The following DNAH9 variants were observed in gnomAD, a reference collection of about 807,000 sequenced individuals.
DNAH9 encodes the protein dynein axonemal heavy chain 9.
Under a neutral mutation model 471.6 loss-of-function variants are expected in DNAH9, and 345 were observed. That is an observed-to-expected ratio of 0.73 (90% confidence interval 0.67 to 0.80). DNAH9 has a LOEUF of 0.80. Ranked by LOEUF, DNAH9 falls within the 30% of genes least tolerant of loss-of-function variation. The pLI is 0.00. For missense variants in DNAH9, 5,407 were observed against 5,609.2 expected, an observed-to-expected ratio of 0.96 and a Z score of 1.15; for synonymous variants, 2,093 against 2,123.6, an observed-to-expected ratio of 0.99 and a Z score of 0.40.
At chr17:11,956,880 A>T (rs1354746306) in intron 67 of DNAH9, among the ~76,000 whole-genome samples, 3 of 151,890 alleles carry the variant, frequency 2.0e-5, no homozygotes, top group Non-Finnish European at 4.4e-5. Flanking sequence ...TAGGAAAAAA[A>T]TGGCAAAACA....
At chr17:11,686,800 C>T (rs1217344776) in intron 19 of DNAH9, among the ~76,000 whole-genome samples, 3 of 152,198 alleles carry the variant, frequency 2.0e-5, no homozygotes, top group East Asian at 1.9e-4. Flanking sequence ...CTTCCATGTG[C>T]ACCCCAAATA....
intron 14 of DNAH9, among the ~76,000 whole-genome samples, chr17:11,659,773 C>G (rs143777603): frequency 0.024 from 3,623 of 152,334 alleles, 145 homozygotes; most frequent in African/African-American, 0.081. Context: ...ATAGTGTGGG[C>G]TCCCAGAGCT....
At chr17:11,928,642 A>G (rs898083627) in intron 62 of DNAH9, among the ~76,000 whole-genome samples, 2 of 152,192 alleles carry the variant, frequency 1.3e-5, no homozygotes, top group African/African-American at 4.8e-5. Context: ...CAAAGACCAG[A>G]CAGAGGAGCT....
rs2073393489 is a variant in DNAH9 at position 11,646,493 on chromosome 17, G to A, written c.1971-579G>A. Among the ~76,000 whole-genome samples the A allele has an allele frequency of 2.0e-5, 3 of 152,202 alleles. No homozygotes were observed. The South Asian group carries it at 6.2e-4, about 32-fold the overall frequency. Reference sequence around the variant, plus strand: ...CCATGAGCTACGTAAAGATTAGTGTGAGAGCGAATCTTCCCCAGTAACTTC... The same window carrying A: ...CCATGAGCTACGTAAAGATTAGTGTAAGAGCGAATCTTCCCCAGTAACTTC... On this transcript the variant is annotated intron_variant, in intron 11 of 68. Coordinates refer to ENST00000262442, the MANE Select transcript of DNAH9 (RefSeq NM_001372.4).
chr17:11,860,671 C>T (rs1174043759), intron 50 of DNAH9, among the ~76,000 whole-genome samples: 7 of 152,094 alleles, frequency 4.6e-5, no homozygotes. Flanking sequence ...AAGCGATTCT[C>T]CTGCCTCAGT....
At chr17:11,847,385 A>G (rs1971262676) in intron 49 of DNAH9, among the ~76,000 whole-genome samples, 1 of 152,064 alleles carries the variant, frequency 6.6e-6, no homozygotes, top group Admixed American at 6.6e-5. Context: ...TAATTTTTGT[A>G]TATGTTGTAA....
chr17:11,759,818 C>T lies in DNAH9; in HGVS notation c.6995+2126C>T, dbSNP rs1358160357. Among the ~76,000 whole-genome samples, 5 of 152,064 alleles carry T rather than the reference C, an allele frequency of 3.3e-5. No homozygotes were observed. The East Asian group carries it at 9.7e-4, about 30-fold the overall frequency. On this transcript the variant is annotated intron_variant, in intron 35 of 68. Transcript: ENST00000262442. ...TCTCCTGCCTCAGCCTGCCAAGTAG[C>T]TGGGACTACAGGCACGTGCCACCAT...
chr17:11,797,713 T>C lies in DNAH9; in HGVS notation c.8340T>C (p.Thr2780=). 1 of 1,614,214 alleles carries C rather than the reference T, an allele frequency of 6.2e-7. No homozygotes were observed. The highest frequency in any genetic ancestry group is 8.5e-7 in the Non-Finnish European group (1 of 1,180,040). ...AGTCTTGGGAACTTTTGACCCAGAC[T>C]CTGGTGGAGGCCTTGGAGAACCACA... ...PVQSWELLTQ[T]LVEALENHNE... is the part of the protein sequence containing the mutation. The change falls in exon 43 of 69, where the codon ACT becomes ACC. Residue 2780 remains threonine (T), a synonymous_variant. Transcript: ENST00000262442.
chr17:11,737,853 G>T (rs933421497), intron 28 of DNAH9, among the ~76,000 whole-genome samples: 6 of 152,196 alleles, frequency 3.9e-5, no homozygotes, highest in Non-Finnish European at 2.9e-5. Flanking sequence ...TATAGTCTGG[G>T]GGATGGCTAT....
intron 67 of DNAH9, among the ~76,000 whole-genome samples, chr17:11,961,026 G>C (rs1025907996): frequency 2.0e-5 from 3 of 151,696 alleles, no homozygotes; most frequent in African/African-American, 7.3e-5. Flanking sequence ...TTTAAACATA[G>C]TGTTCAGGCC....
chr17:11,770,594 T>C (rs1795885539), intron 38 of DNAH9, among the ~76,000 whole-genome samples: 1 of 152,154 alleles, frequency 6.6e-6, no homozygotes, highest in Non-Finnish European at 1.5e-5. Flanking sequence ...CATCCACTGC[T>C]GAGCCAATCC....
intron 61 of DNAH9, among the ~76,000 whole-genome samples, chr17:11,909,513 G>A (rs575210493): frequency 2.2e-4 from 33 of 152,270 alleles, no homozygotes; most frequent in South Asian, 1.7e-3. Context: ...CCTGGCCTAC[G>A]ATTTCCCCTT....
intron 7 of DNAH9, among the ~76,000 whole-genome samples, chr17:11,632,132 G>GCTTT (rs1244521672): frequency 6.6e-6 from 1 of 152,232 alleles, no homozygotes; most frequent in Non-Finnish European, 1.5e-5. Context: ...AGTTTAATTA[G>GCTTT]CTTTCTTTCC....
chr17:11,927,676 C>T (rs138003461), intron 62 of DNAH9, among the ~76,000 whole-genome samples: 60 of 152,268 alleles, frequency 3.9e-4, no homozygotes, highest in African/African-American at 1.2e-3. Flanking sequence ...ACTAGGGCTT[C>T]TCTTCTGGGA....
intron 50 of DNAH9, among the ~76,000 whole-genome samples, chr17:11,861,545 T>C (rs1249670024): frequency 2.0e-5 from 3 of 151,744 alleles, no homozygotes; most frequent in Non-Finnish European, 4.4e-5. Flanking sequence ...TACCCAGTAA[T>C]GGGATGGCTG....
Position 11,689,923 on chromosome 17 carries a change from G to A in DNAH9, c.4101G>A (p.Leu1367=), listed in dbSNP as rs1309296469. 6.2e-7 allele frequency: 1 copy of A among 1,609,982 alleles called. No individual in the cohort carries two copies. The highest frequency in any genetic ancestry group is 1.1e-5 in the South Asian group (1 of 90,504). ...TGGAAAGCACTGTGTGGAACACGCT[G>A]AGCTCCCTGAGGGCAGTAGCTGAGC... The part of the protein sequence containing the change: ...TGLESTVWNT[L]SSLRAVAELQ... The change falls in exon 20 of 69, where the codon CTG becomes CTA. Residue 1367 remains leucine (L), a synonymous_variant. Coordinates refer to ENST00000262442, the MANE Select transcript of DNAH9 (RefSeq NM_001372.4).
intron 28 of DNAH9, among the ~76,000 whole-genome samples, chr17:11,728,760 A>G (rs1318535): frequency 0.96 from 146,091 of 152,234 alleles, 70,384 homozygotes; most frequent in East Asian, 1. Flanking sequence ...GGCACTTTTC[A>G]TACATCATCT....
chr17:11,837,811 C>A (rs750003799), intron 49 of DNAH9, among the ~76,000 whole-genome samples: 8 of 152,276 alleles, frequency 5.3e-5, no homozygotes, highest in Middle Eastern at 6.8e-3. Flanking sequence ...TTCCTTTTGC[C>A]GTTCTACTCC....
chr17:11,805,688 G>A (rs1040457180), intron 43 of DNAH9, among the ~76,000 whole-genome samples: 4 of 151,526 alleles, frequency 2.6e-5, no homozygotes, highest in African/African-American at 9.7e-5. Flanking sequence ...CCTAGCAGGT[G>A]GGATTACAAG....
Sources: allele counts gnomAD v4.1 joint callset (sites outside exome capture counted in the v4.1 genomes callset), GRCh38; gene constraint gnomAD v4.1.1; transcripts MANE v1.5; gene names NCBI Gene and HGNC (gene_info 2026-07-23, HGNC 2026-07-21).